WDR33: variants seen among roughly 807,000 people sequenced by gnomAD.
The protein encoded by WDR33 is pre-mRNA 3' end processing protein WDR33.
In WDR33, 47 loss-of-function variants were observed where a neutral mutation model predicts 164.9. The observed-to-expected ratio is 0.29, with a 90% confidence interval of 0.23 to 0.36. The LOEUF (loss-of-function observed/expected upper bound fraction) is 0.36. Among genes scored for constraint, WDR33 ranks in the 10% least tolerant of loss-of-function variants. The pLI is 1.00. For missense variants in WDR33, 1,137 were observed against 1,754.1 expected (o/e 0.65, Z 6.28); for synonymous variants, 505 against 589.0 (o/e 0.86, Z 2.06).
In WDR33 at chr2:127,714,027, G is replaced by A; in HGVS notation, c.2870-6C>T. On this transcript the variant is annotated splice_polypyrimidine_tract_variant and splice_region_variant and intron_variant, in intron 17 of 21. Coordinates refer to ENST00000322313, the MANE Select transcript of WDR33 (RefSeq NM_018383.5). The surrounding 1 kb of genome is among the most constrained non-coding windows in gnomAD (Gnocchi z 4.3). ...TGGAGGGCCGCGGGAGTCACCTAAA[G>A]GAAACAAAGCTGACTTTTACCATGT... The A allele has an allele frequency of 6.6e-7, 1 of 1,509,890 alleles. No individual in the cohort carries two copies. Among genetic ancestry groups the A allele is most frequent in the Non-Finnish European group, 8.8e-7 (1 of 1,135,576 alleles). 93.5% of individuals were successfully genotyped at this position (1,509,890 alleles called of 1,614,324 possible).
At position 127,723,062 on chromosome 2, in the gene WDR33, C is replaced by A. The variant is rs761054823; in HGVS notation, c.1292-18G>T. On this transcript the variant is annotated intron_variant, in intron 12 of 21. Coordinates refer to ENST00000322313, the MANE Select transcript of WDR33 (RefSeq NM_018383.5). The surrounding 1 kb of genome is among the most constrained non-coding windows in gnomAD (Gnocchi z 5.9). ...GAGGTCATCTATAAATAGTAATACA[C>A]CATTGTCAATAGAGAATTTACAAAA... The A allele has an allele frequency of 1.9e-6, 3 of 1,581,896 alleles. No homozygotes were observed. Among genetic ancestry groups the A allele is most frequent in the Admixed American group, 1.9e-5 (1 of 53,170 alleles).
At chr2:127,760,471 G>A (rs1687644406) in intron 7 of WDR33, among the ~76,000 whole-genome samples, 1 of 152,202 alleles carries the variant, frequency 6.6e-6, no homozygotes, top group African/African-American at 2.4e-5. Context: ...GTAGAGCTAA[G>A]TAAGTTCACT....
At position 127,724,959 on chromosome 2, in the gene WDR33, G is replaced by A. The variant is rs756526270; in HGVS notation, c.1013C>T (p.Ala338Val). 6.2e-7 allele frequency: 1 copy of A among 1,614,132 alleles called. No individual in the cohort carries two copies. Among genetic ancestry groups the A allele is most frequent in the Non-Finnish European group, 8.5e-7 (1 of 1,180,018 alleles). Residue 338 changes from alanine to valine, a missense_variant, in exon 10 of 22, where the codon GCC (alanine) becomes GTC (valine). Coordinates refer to ENST00000322313, the MANE Select transcript of WDR33 (RefSeq NM_018383.5). The surrounding 1 kb of genome is among the most constrained non-coding windows in gnomAD (Gnocchi z 4.8). ...AAGTCCTTCATGAACAGGATGCCAG[G>A]CCACAGCTGCAGAACAAAAACATGG... is the stretch of plus-strand genomic sequence containing the variant. ...RGHKKEATAV[A>V]WHPVHEGLFA...
At chr2:127,756,624 GAACA>G (rs1050863673) in intron 7 of WDR33, among the ~76,000 whole-genome samples, 4 of 152,030 alleles carry the variant, frequency 2.6e-5, no homozygotes, top group African/African-American at 4.8e-5. Flanking sequence ...TAATTCATCA[GAACA>G]AAAATTTAAA....
intron 17 of WDR33, among the ~76,000 whole-genome samples, chr2:127,715,080 CTT>C (rs1686266567): frequency 7.1e-6 from 1 of 141,054 alleles, no homozygotes; most frequent in Non-Finnish European, 1.5e-5. Context: ...TCTTTTCTTT[CTT>C]TGTTTCTTTT....
rs1685872961 is a variant in WDR33, at chr2:127,701,391, A to G, written c.*4932T>C. On this transcript the variant is annotated 3_prime_UTR_variant, in exon 22 of 22. Transcript: ENST00000322313. ...CACCACAAAAGTCCGCAGAGCAGGC[A>G]CCGCGGCACTTCCGCGAGCGCCGCA... 1.2e-6 allele frequency: 1 copy of G among 840,606 alleles called. No homozygotes were observed. Among genetic ancestry groups the G allele is most frequent in the Non-Finnish European group, 1.6e-6 (1 of 634,592 alleles). The allele number at this position is 840,606 out of a possible 1,614,324, so 52.1% of individuals were successfully genotyped here.
In WDR33 at chr2:127,764,040, C is replaced by T. The variant is rs948072563; in HGVS notation, c.626+788G>A. On this transcript the variant is annotated intron_variant, in intron 6 of 21. Transcript: ENST00000322313. This position sits in a 1 kb window ranked among gnomAD's most constrained non-coding sequence, Gnocchi z 6.2. ...TCAACCTCCTCCCACACATGGGTGG[C>T]ACAACCTTAAAGAATGCTGCTTAGC... 2 of 986,278 alleles carry T rather than the reference C, an allele frequency of 2.0e-6. No individual in the cohort carries two copies. The highest frequency in any genetic ancestry group is 2.4e-6 in the Non-Finnish European group (2 of 830,596). The allele number at this position is 986,278 out of a possible 1,614,324, so 61.1% of individuals were successfully genotyped here.
chr2:127,773,254 A>G (rs891230150), intron 1 of WDR33, among the ~76,000 whole-genome samples: 1 of 152,180 alleles, frequency 6.6e-6, no homozygotes, highest in African/African-American at 2.4e-5. Context: ...GGCCACCATT[A>G]TTTGTCTGTA....
intron 2 of WDR33, 52 bp from the exon 3 acceptor site, chr2:127,769,053 CTATA>C (rs750348403): frequency 1.0e-6 from 1 of 977,282 alleles, no homozygotes; most frequent in South Asian, 2.7e-5. Context: ...CAATTAATGA[CTATA>C]TGGTCTGATT....
chr2:127,802,379 G>A (rs1390887634), intron 1 of WDR33, among the ~76,000 whole-genome samples: 1 of 152,058 alleles, frequency 6.6e-6, no homozygotes, highest in Admixed American at 6.6e-5. Flanking sequence ...TCTCCTGGGT[G>A]CAAGCAATTC....
chr2:127,764,264 T>A lies in WDR33; in HGVS notation c.626+564A>T. ...AGTCCTAGAGTCTTCTTGACAATGA[T>A]CTGCTTACAGCTGCAAAGCTTGAAG... is the stretch of plus-strand genomic sequence containing the variant. On this transcript the variant is annotated intron_variant, in intron 6 of 21. Transcript: ENST00000322313. The surrounding 1 kb of genome is among the most constrained non-coding windows in gnomAD (Gnocchi z 6.2). 4 of 1,212,692 alleles carry A rather than the reference T, an allele frequency of 3.3e-6. No individual in the cohort carries two copies. Among genetic ancestry groups the A allele is most frequent in the Non-Finnish European group, 4.1e-6 (4 of 973,016 alleles). 75.1% of individuals were successfully genotyped at this position (1,212,692 alleles called of 1,614,324 possible).
At chr2:127,781,263 A>G (rs1303993990) in intron 1 of WDR33, among the ~76,000 whole-genome samples, 1 of 152,214 alleles carries the variant, frequency 6.6e-6, no homozygotes, top group Admixed American at 6.5e-5. Context: ...CTTCATTTAT[A>G]TGACATTCTT....
chr2:127,791,924 C>T (rs775206728), intron 1 of WDR33, among the ~76,000 whole-genome samples: 5 of 151,844 alleles, frequency 3.3e-5, no homozygotes, highest in Non-Finnish European at 7.4e-5. Context: ...GTAAAAAGGC[C>T]TTATAATGTC....
chr2:127,712,938 G>GT lies in WDR33; in HGVS notation c.3308+644dup, dbSNP rs1686216249. ...CCCAGCTAATTAAAAAATTTTTTTT[G>GT]TAGAGATGGAGTTACACTATGTCGT... is the stretch of plus-strand genomic sequence containing the variant. On this transcript the variant is annotated intron_variant, in intron 18 of 21. Coordinates refer to ENST00000322313, the MANE Select transcript of WDR33 (RefSeq NM_018383.5). The surrounding 1 kb of genome is among the most constrained non-coding windows in gnomAD (Gnocchi z 4.0). Among the ~76,000 whole-genome samples, 1 of 152,030 alleles carries GT rather than the reference G, an allele frequency of 6.6e-6. No individual in the cohort carries two copies. Among genetic ancestry groups the GT allele is most frequent in the South Asian group, 2.1e-4 (1 of 4,824 alleles).
chr2:127,737,015 ATG>A (rs1361708498), intron 7 of WDR33: 4 of 985,296 alleles, frequency 4.1e-6, no homozygotes, highest in Non-Finnish European at 4.8e-6. Flanking sequence ...GGTGTATAAA[ATG>A]TGTGTCAATC....
chr2:127,808,846 C>T (rs1381707044), intron 1 of WDR33, among the ~76,000 whole-genome samples: 2 of 152,002 alleles, frequency 1.3e-5, no homozygotes, highest in African/African-American at 4.8e-5. Flanking sequence ...CTAGCTAACA[C>T]GGTGAAATCC....
intron 17 of WDR33, among the ~76,000 whole-genome samples, chr2:127,715,906 C>T (rs538638004): frequency 9.1e-4 from 138 of 152,008 alleles, no homozygotes; most frequent in African/African-American, 3.3e-3. Context: ...TCCCTTTGGT[C>T]CCTGGGAGGA....
At chr2:127,789,662 G>C (rs935139410) in intron 1 of WDR33, among the ~76,000 whole-genome samples, 9 of 151,384 alleles carry the variant, frequency 5.9e-5, no homozygotes, top group South Asian at 4.2e-4. Flanking sequence ...CTTCGGCTCC[G>C]CATCTTCCTT....
chr2:127,798,596 C>A (rs910568925), intron 1 of WDR33, among the ~76,000 whole-genome samples: 1 of 151,958 alleles, frequency 6.6e-6, no homozygotes, highest in African/African-American at 2.4e-5. Context: ...AAAAGCCTAA[C>A]CAGTTAACTA....
Sources: gnomAD v4.1 joint callset for allele counts (sites outside exome capture counted in the v4.1 genomes callset) on GRCh38, gnomAD v4.1.1 for gene constraint, Gnocchi (gnomAD v3.1) non-coding constraint, MANE v1.5 for transcripts, NCBI Gene and HGNC (gene_info 2026-07-23, HGNC 2026-07-21) for gene names.